Variants in DLG2 observed in about 807,000 individuals in gnomAD.
DLG2 encodes the protein disks large homolog 2.
A neutral mutation model predicts 132.5 loss-of-function variants in DLG2; 45 were observed. The ratio of observed to expected loss-of-function variants is 0.34; its 90% CI spans 0.27 to 0.44. The LOEUF is 0.44. DLG2 is among the 20% of genes least tolerant of loss of function. The pLI is 1.00. For missense variants in DLG2, 1,045 were observed against 1,196.9 expected, an observed-to-expected ratio of 0.87 and a Z score of 1.87; for synonymous variants, 424 against 419.6, an observed-to-expected ratio of 1.01 and a Z score of -0.13.
chr11:83,719,498 T>C (rs2087747938), intron 18 of DLG2, among the ~76,000 whole-genome samples: 1 of 152,162 alleles, frequency 6.6e-6, no homozygotes, highest in Admixed American at 6.5e-5. Flanking sequence ...CTGCTTCTGG[T>C]GAAGGCCTCA....
At chr11:84,167,022 T>G (rs2095684683) in intron 8 of DLG2, 1 of 533,154 alleles carries the variant, frequency 1.9e-6, no homozygotes, top group African/African-American at 1.9e-5. Context: ...GTTTCTGTTA[T>G]TCCAGTTCTG....
intron 7 of DLG2, among the ~76,000 whole-genome samples, chr11:84,495,181 T>C (rs1294186345): frequency 1.3e-5 from 2 of 152,138 alleles, no homozygotes; most frequent in African/African-American, 2.4e-5. Context: ...TTCCTACTAC[T>C]TGCTCTCATC....
chr11:84,029,021 C>T (rs1209681262), intron 11 of DLG2, among the ~76,000 whole-genome samples: 5 of 152,070 alleles, frequency 3.3e-5, no homozygotes, highest in Non-Finnish European at 7.4e-5. Context: ...CAACTTTAAA[C>T]AATTACTGTT....
chr11:84,803,785 C>G (rs2075693823), intron 6 of DLG2, among the ~76,000 whole-genome samples: 1 of 152,230 alleles, frequency 6.6e-6, no homozygotes, highest in African/African-American at 2.4e-5. Flanking sequence ...CTCAAGCATT[C>G]TCTGCCACAT....
At chr11:84,523,820 A>G (rs1469984045) in intron 7 of DLG2, among the ~76,000 whole-genome samples, 2 of 152,222 alleles carry the variant, frequency 1.3e-5, no homozygotes, top group Admixed American at 6.5e-5. Flanking sequence ...AATCACTATT[A>G]ACACTTATCT....
chr11:85,114,553 T>C (rs1163931112), intron 5 of DLG2, among the ~76,000 whole-genome samples: 1 of 151,992 alleles, frequency 6.6e-6, no homozygotes, highest in Non-Finnish European at 1.5e-5. Flanking sequence ...GTTAAAAACA[T>C]GTCCTCTTAA....
chr11:84,556,437 G>T (rs1236726857), intron 6 of DLG2, among the ~76,000 whole-genome samples: 1 of 152,174 alleles, frequency 6.6e-6, no homozygotes, highest in Admixed American at 6.5e-5. Context: ...AGAGTATCCA[G>T]TCTCCGATCT....
intron 6 of DLG2, among the ~76,000 whole-genome samples, chr11:84,561,589 A>C (rs1433485027): frequency 6.6e-6 from 1 of 152,148 alleles, no homozygotes; most frequent in East Asian, 1.9e-4. Context: ...ATTTACTTTC[A>C]TACCTCCTGC....
intron 5 of DLG2, among the ~76,000 whole-genome samples, chr11:85,153,165 T>C (rs892226489): frequency 6.6e-5 from 10 of 152,186 alleles, no homozygotes; most frequent in African/African-American, 2.4e-4. Flanking sequence ...TCATTTAATG[T>C]GCCTGAGGTC....
At chr11:84,255,907 A>G (rs1015068484) in intron 7 of DLG2, among the ~76,000 whole-genome samples, 14 of 152,194 alleles carry the variant, frequency 9.2e-5, no homozygotes, top group Non-Finnish European at 1.5e-4. Flanking sequence ...TGCCTTTTAC[A>G]TGACATTCTC....
intron 7 of DLG2, among the ~76,000 whole-genome samples, chr11:84,372,825 C>T (rs977074931): frequency 3.9e-5 from 6 of 152,042 alleles, no homozygotes; most frequent in Non-Finnish European, 5.9e-5. Context: ...GTCATTTATT[C>T]CCAAGATTTA....
chr11:85,183,035 CT>C (rs1263516794), intron 4 of DLG2, among the ~76,000 whole-genome samples: 1 of 151,674 alleles, frequency 6.6e-6, no homozygotes, highest in Non-Finnish European at 1.5e-5. Context: ...TCCAGCCTTC[CT>C]AAGACACTTG....
chr11:84,707,086 C>T (rs1224976088), intron 6 of DLG2, among the ~76,000 whole-genome samples: 1 of 151,516 alleles, frequency 6.6e-6, no homozygotes, highest in South Asian at 2.1e-4. Context: ...TTCCTGAGTC[C>T]AAAGAATGGA....
chr11:85,144,421 C>T (rs1156701208), intron 5 of DLG2, among the ~76,000 whole-genome samples: 2 of 148,332 alleles, frequency 1.3e-5, no homozygotes, highest in Non-Finnish European at 3.0e-5. Context: ...TTATAGTAAA[C>T]GTTATTATTG....
chr11:85,497,652 G>GA (rs1053531303), intron 3 of DLG2, among the ~76,000 whole-genome samples: 4 of 151,796 alleles, frequency 2.6e-5, no homozygotes, highest in African/African-American at 4.8e-5. Flanking sequence ...TGAAATGAAG[G>GA]AAAAAAATGT....
intron 6 of DLG2, among the ~76,000 whole-genome samples, chr11:84,581,403 T>G (rs546307949): frequency 3.3e-5 from 5 of 152,226 alleles, no homozygotes; most frequent in African/African-American, 1.2e-4. Flanking sequence ...TCCTCCAGCA[T>G]TACGACTATA....
At chr11:83,686,478 G>A (rs754050050) in intron 18 of DLG2, among the ~76,000 whole-genome samples, 20 of 152,216 alleles carry the variant, frequency 1.3e-4, no homozygotes, top group African/African-American at 4.3e-4. Flanking sequence ...CAACTAGAAT[G>A]TAAGCTCCAT....
intron 4 of DLG2, among the ~76,000 whole-genome samples, chr11:85,211,946 G>A (rs1034891881): frequency 6.6e-6 from 1 of 151,952 alleles, no homozygotes; most frequent in African/African-American, 2.4e-5. Context: ...TTCTTGAATG[G>A]CTGTATAAAA....
intron 7 of DLG2, among the ~76,000 whole-genome samples, chr11:84,532,116 C>CT (rs1565211965): frequency 4.3e-5 from 3 of 69,932 alleles, no homozygotes; most frequent in East Asian, 5.2e-4. Context: ...TTGTTCTGTT[C>CT]ATTTTTTTTT....
Sources: allele counts gnomAD v4.1 joint callset (sites outside exome capture counted in the v4.1 genomes callset), GRCh38; gene constraint gnomAD v4.1.1; transcripts MANE v1.5; gene names NCBI Gene and HGNC (gene_info 2026-07-23, HGNC 2026-07-21).